The following NLGN1 variants were observed in gnomAD, a reference collection of about 807,000 sequenced individuals.
The protein encoded by NLGN1 is neuroligin 1.
A neutral mutation model predicts 65.5 loss-of-function variants in NLGN1; 12 were observed. The observed-to-expected ratio is 0.18, with a 90% CI of 0.12 to 0.30. NLGN1 has a LOEUF of 0.30. NLGN1 is among the 10% of genes least tolerant of loss of function. The pLI is 1.00. For synonymous variants in NLGN1, 350 were observed against 359.5 expected (o/e 0.97, Z 0.30); for missense variants, 750 against 1,007.1 (o/e 0.74, Z 3.46).
chr3:174,215,396 G>A (rs1737407606), intron 4 of NLGN1, among the ~76,000 whole-genome samples: 10 of 152,094 alleles, frequency 6.6e-5, no homozygotes, highest in Admixed American at 6.6e-4. Context: ...AAGCCTGTGG[G>A]TAAGCCTCAA....
In NLGN1 at chr3:173,404,930, A is replaced by C. The variant is rs150006132; in HGVS notation, c.-390+6443A>C. Among the ~76,000 whole-genome samples the C allele has an allele frequency of 2.3e-3, 356 of 152,194 alleles. 3 individuals carry two copies. The highest frequency in any genetic ancestry group is 6.8e-3 in the Middle Eastern group (2 of 294). ...AGTATTAATTCCACAATCGTTCTCT[A>C]CTACTTAGAATTTTTACTTTATATT... On this transcript the variant is annotated intron_variant, in intron 1 of 6. Coordinates refer to ENST00000457714, the Ensembl canonical transcript of NLGN1.
At position 173,586,132 on chromosome 3, in the gene NLGN1, C is replaced by CT. The variant is rs5854513; in HGVS notation, c.-320-18137dup. Among the ~76,000 whole-genome samples the CT allele has an allele frequency of 5.5e-3, 822 of 150,482 alleles. 4 individuals carry two copies. The highest frequency in any genetic ancestry group is 8.4e-3 in the Admixed American group (127 of 15,162). ...ACTTCAACATCACAATTTTAGTTGG[C>CT]TTTTTTTTTTAAAGCCAATTCGTTA... On this transcript the variant is annotated intron_variant, in intron 2 of 6. Transcript: ENST00000457714.
chr3:173,520,364 T>A (rs1460551164), intron 2 of NLGN1, among the ~76,000 whole-genome samples: 1 of 152,208 alleles, frequency 6.6e-6, no homozygotes, highest in Non-Finnish European at 1.5e-5. Flanking sequence ...GAGATGAGAA[T>A]GAACAAATAT....
intron 2 of NLGN1, among the ~76,000 whole-genome samples, chr3:173,545,352 G>T (rs758906793): frequency 2.0e-4 from 30 of 152,114 alleles, no homozygotes; most frequent in Middle Eastern, 6.3e-3. Flanking sequence ...GGGATTACAG[G>T]CATGAACCAC....
chr3:173,451,572 T>C (rs1002547366), intron 2 of NLGN1, among the ~76,000 whole-genome samples: 1 of 152,160 alleles, frequency 6.6e-6, no homozygotes, highest in Admixed American at 6.5e-5. Flanking sequence ...GGAGAACCAC[T>C]ACTCTCTTCA....
At chr3:173,628,836 G>C (rs1173817795) in intron 3 of NLGN1, among the ~76,000 whole-genome samples, 2 of 151,968 alleles carry the variant, frequency 1.3e-5, no homozygotes, top group African/African-American at 4.8e-5. Flanking sequence ...TGGGATTAGA[G>C]GCGTGCACCA....
intron 4 of NLGN1, among the ~76,000 whole-genome samples, chr3:174,152,555 T>A (rs1295563390): frequency 6.6e-6 from 1 of 151,726 alleles, no homozygotes; most frequent in Non-Finnish European, 1.5e-5. Context: ...AAATGATGAG[T>A]TAATGGGTGC....
intron 4 of NLGN1, among the ~76,000 whole-genome samples, chr3:174,201,334 A>G (rs6765430): frequency 0.73 from 96,714 of 132,324 alleles, 35,443 homozygotes; most frequent in East Asian, 0.83. Flanking sequence ...GGAGGAGGGA[A>G]GGTGGGAGGA....
chr3:173,585,208 G>A (rs75322657), intron 2 of NLGN1, among the ~76,000 whole-genome samples: 1,698 of 152,276 alleles, frequency 0.011, 38 homozygotes, highest in African/African-American at 0.039. Context: ...AAAAAACCTT[G>A]TTTTTGTGGC....
chr3:173,775,948 A>G (rs1007995409), intron 3 of NLGN1, among the ~76,000 whole-genome samples: 3 of 152,086 alleles, frequency 2.0e-5, no homozygotes, highest in African/African-American at 7.2e-5. Context: ...GAAAACATAG[A>G]CTTTTGTCTA....
At chr3:173,910,825 A>G (rs916427995) in intron 4 of NLGN1, 1 of 152,178 alleles carries the variant, frequency 6.6e-6, no homozygotes, top group African/African-American at 2.4e-5. Flanking sequence ...CCATTTTCTT[A>G]TCTTCTCCAA....
intron 4 of NLGN1, among the ~76,000 whole-genome samples, chr3:174,072,427 G>GT (rs1740097202): frequency 6.6e-6 from 1 of 152,136 alleles, no homozygotes; most frequent in Non-Finnish European, 1.5e-5. Context: ...AGTGTGTGCT[G>GT]TAATGGTTAT....
intron 4 of NLGN1, among the ~76,000 whole-genome samples, chr3:174,023,574 C>T (rs914900661): frequency 2.6e-5 from 4 of 152,140 alleles, no homozygotes; most frequent in African/African-American, 9.7e-5. Context: ...TGGGGAGGCA[C>T]TGCTGTTAAA....
chr3:174,087,901 T>A (rs912629155), intron 4 of NLGN1, among the ~76,000 whole-genome samples: 2 of 152,194 alleles, frequency 1.3e-5, no homozygotes, highest in Non-Finnish European at 2.9e-5. Flanking sequence ...TTAAGAAGTA[T>A]TTTTTGTTTG....
At chr3:173,547,649 C>T (rs969859722) in intron 2 of NLGN1, among the ~76,000 whole-genome samples, 1 of 152,122 alleles carries the variant, frequency 6.6e-6, no homozygotes, top group African/African-American at 2.4e-5. Flanking sequence ...TCTCTTCATA[C>T]TAGGTATTAT....
intron 4 of NLGN1, among the ~76,000 whole-genome samples, chr3:173,827,253 A>T (rs1023199164): frequency 6.6e-6 from 1 of 152,112 alleles, no homozygotes; most frequent in Non-Finnish European, 1.5e-5. Context: ...AATTTGAAGA[A>T]GTAGGGAAAA....
intron 2 of NLGN1, among the ~76,000 whole-genome samples, chr3:173,458,199 G>A (rs769886842): frequency 1.3e-5 from 2 of 151,986 alleles, no homozygotes; most frequent in Non-Finnish European, 2.9e-5. Context: ...GAGGGTGAGA[G>A]AGGAGGGAAA....
chr3:173,469,732 C>G (rs1039024156), intron 2 of NLGN1, among the ~76,000 whole-genome samples: 2 of 151,950 alleles, frequency 1.3e-5, no homozygotes, highest in African/African-American at 2.4e-5. Flanking sequence ...AACCCCTTAC[C>G]CATCAAGCAA....
chr3:173,691,271 T>C (rs1364862626), intron 3 of NLGN1, among the ~76,000 whole-genome samples: 3 of 152,104 alleles, frequency 2.0e-5, no homozygotes, highest in African/African-American at 7.2e-5. Flanking sequence ...CCTCTGTCTC[T>C]GAAGCTTTTC....
Sources: allele counts gnomAD v4.1 joint callset (sites outside exome capture counted in the v4.1 genomes callset), GRCh38; gene constraint gnomAD v4.1.1; transcripts MANE v1.5; gene names NCBI Gene and HGNC (gene_info 2026-07-23, HGNC 2026-07-21).